COL5A2: variants seen among roughly 807,000 people sequenced by gnomAD.
COL5A2 encodes the protein collagen alpha-2(V) chain.
Under a neutral mutation model 208.2 loss-of-function variants are expected in COL5A2, and 23 were observed. That is an observed-to-expected ratio of 0.11 (90% confidence interval 0.08 to 0.16). COL5A2 has a LOEUF of 0.16. Ranked by LOEUF, COL5A2 falls within the 10% of genes least tolerant of loss-of-function variation. The probability of loss-of-function intolerance (pLI) is 1.00; values close to 1 mark genes in which losing one functional copy is unlikely to be tolerated. For missense variants in COL5A2, 1,590 were observed against 1,956.4 expected (o/e 0.81, Z 3.53); for synonymous variants, 625 against 628.5 (o/e 0.99, Z 0.08).
the COL5A2 span, among the ~76,000 whole-genome samples, chr2:189,347,258 T>G: frequency 2.0e-5 from 3 of 152,168 alleles, no homozygotes; most frequent in Non-Finnish European, 2.9e-5. Flanking sequence ...AAAATTAACA[T>G]TGAAGAAAGT....
At chr2:189,108,662 T>G (rs774307329) in intron 2 of COL5A2, among the ~76,000 whole-genome samples, 1 of 151,936 alleles carries the variant, frequency 6.6e-6, no homozygotes, top group African/African-American at 2.4e-5. Flanking sequence ...TTCATAAAAT[T>G]TTTCTTGTAT....
In COL5A2 at chr2:189,150,130, C is replaced by G. The variant is rs1191067585; in HGVS notation, c.97+29378G>C. ...CCCTCACTCATTACTGGCAAACATT[C>G]CTGAACAATGTGTGTGCCTTCACGA... On this transcript the variant is annotated intron_variant, in intron 1 of 53. Transcript: ENST00000374866. Among the ~76,000 whole-genome samples the G allele has an allele frequency of 2.0e-5, 3 of 152,094 alleles. No homozygotes were observed. The South Asian group carries it at 6.2e-4, about 32-fold the overall frequency.
At chr2:189,103,117 T>A (rs1447775288) in intron 3 of COL5A2, among the ~76,000 whole-genome samples, 1 of 152,086 alleles carries the variant, frequency 6.6e-6, no homozygotes, top group Admixed American at 6.6e-5. Context: ...TCTCTATCTG[T>A]CTATCCATGC....
chr2:189,411,737 A>AT, the COL5A2 span, among the ~76,000 whole-genome samples: 2 of 152,094 alleles, frequency 1.3e-5, no homozygotes, highest in African/African-American at 4.8e-5. Context: ...ATCTTGTTTG[A>AT]TTTTTTTTAA....
At chr2:189,281,950 G>A in the COL5A2 span, among the ~76,000 whole-genome samples, 2 of 152,202 alleles carry the variant, frequency 1.3e-5, no homozygotes, top group Admixed American at 6.5e-5. Flanking sequence ...TCGGGAGGCC[G>A]AGAAGGGTGG....
Position 189,066,501 on chromosome 2 carries a change from T to C in COL5A2, c.1456-4A>G. ...GACCCTGAATACCATGTGGCCCCTG[T>C]TAAAAACAGAAGGACAGTTACCAGA... On this transcript the variant is annotated splice_region_variant and splice_polypyrimidine_tract_variant and intron_variant, in intron 22 of 53. Coordinates refer to ENST00000374866, the MANE Select transcript of COL5A2 (RefSeq NM_000393.5). 1 of 1,613,940 alleles carries C rather than the reference T, an allele frequency of 6.2e-7. No individual in the cohort carries two copies.
In COL5A2 at chr2:189,207,704, C is replaced by G. The variant is rs1467735758; in HGVS notation, c.-42+17444G>C. Among the ~76,000 whole-genome samples, 3 of 152,306 alleles carry G rather than the reference C, an allele frequency of 2.0e-5. No individual in the cohort carries two copies. In the East Asian group the frequency reaches 5.8e-4, roughly 29 times the overall value. On this transcript the variant is annotated intron_variant, in intron 1 of 10. Transcript: ENST00000649966. ...CATTTTCACTACCTCATTCTTCACTCTACTCCACTTAGCAGAGCAATCACT... is the reference window on the plus strand; with the variant it reads ...CATTTTCACTACCTCATTCTTCACTGTACTCCACTTAGCAGAGCAATCACT...
intron 33 of COL5A2, 62 bp downstream of exon 33, chr2:189,058,367 A>G (rs1685946417): frequency 1.6e-6 from 2 of 1,215,730 alleles, no homozygotes; most frequent in African/African-American, 3.0e-5. Context: ...TCACACCATC[A>G]TGCGTTTATT....
At chr2:189,296,801 G>A in the COL5A2 span, among the ~76,000 whole-genome samples, 2,580 of 152,250 alleles carry the variant, frequency 0.017, 74 homozygotes, top group African/African-American at 0.059. Flanking sequence ...ACCTTCAGCT[G>A]TTGTTTTCTT....
chr2:189,111,604 A>C (rs1687263259), intron 1 of COL5A2, among the ~76,000 whole-genome samples: 2 of 152,018 alleles, frequency 1.3e-5, no homozygotes, highest in Non-Finnish European at 1.5e-5. Flanking sequence ...TCCTTTACCC[A>C]ACTGATATTT....
chr2:189,065,160 T>TGTTGGCTTGATGATGGCTC, intron 23 of COL5A2, 103 bp from the exon 24 acceptor site: 1 of 1,060,584 alleles, frequency 9.4e-7, no homozygotes, highest in Non-Finnish European at 1.4e-6. Context: ...TTAGGAGCCA[T>TGTTGGCTTGATGATGGCTC]CATCAAGCCA....
At chr2:189,207,074 T>A (rs1689152015) in intron 1 of COL5A2, among the ~76,000 whole-genome samples, 2 of 152,226 alleles carry the variant, frequency 1.3e-5, no homozygotes, top group African/African-American at 4.8e-5. Flanking sequence ...ATGTTTGCAC[T>A]TAAAAGATTG....
In COL5A2 at chr2:189,041,626, G is replaced by T; in HGVS notation, c.3593C>A (p.Pro1198His). Reference protein sequence around the residue: ...GNPGPLGPIGPPGVRGSVGEA... With the variant: ...GNPGPLGPIGHPGVRGSVGEA... ...TCCTACACTGCCTCGTACACCTGGA[G>T]GTCCAATTGGCCCAAGTGGCCCAGG... The change falls in exon 50 of 54, where the codon CCT becomes CAT. Residue 1198 changes from proline (P) to histidine (H), a missense_variant. By Grantham distance (77) the Pro-to-His change is moderately conservative. Coordinates refer to ENST00000374866, the MANE Select transcript of COL5A2 (RefSeq NM_000393.5). 6.2e-7 allele frequency: 1 copy of T among 1,614,048 alleles called. No homozygotes were observed. Among genetic ancestry groups the T allele is most frequent in the Non-Finnish European group, 8.5e-7 (1 of 1,179,936 alleles).
At chr2:189,161,117 G>T (rs1688355415) in intron 1 of COL5A2, among the ~76,000 whole-genome samples, 1 of 150,824 alleles carries the variant, frequency 6.6e-6, no homozygotes, top group African/African-American at 2.4e-5. Context: ...ACCGCGCCCG[G>T]CTGTACTTTT....
At chr2:189,224,712 T>C (rs926324553) in intron 1 of COL5A2, among the ~76,000 whole-genome samples, 7 of 151,674 alleles carry the variant, frequency 4.6e-5, no homozygotes, top group African/African-American at 1.7e-4. Flanking sequence ...TATTAAAAAA[T>C]AAAAACTAGA....
chr2:189,157,173 C>T (rs900335676), intron 1 of COL5A2, among the ~76,000 whole-genome samples: 13 of 83,638 alleles, frequency 1.6e-4, no homozygotes, highest in African/African-American at 9.8e-4. Flanking sequence ...ATATATATAT[C>T]TATATATATA....
intron 5 of COL5A2, 176 bp from the exon 6 acceptor site, chr2:189,097,506 G>A (rs747965841): frequency 3.5e-5 from 25 of 712,172 alleles, no homozygotes; most frequent in African/African-American, 7.0e-5. Flanking sequence ...GCTTAGAAGC[G>A]TTGTTTATGT....
At position 189,042,843 on chromosome 2, in the gene COL5A2, T is replaced by G. The variant is rs1385381917; in HGVS notation, c.3472-70A>C. ...CTGCATTGTGCCATTCTCAAAAATG[T>G]GCTATCATTGACTTTAGCAGCATGA... On this transcript the variant is annotated intron_variant, in intron 48 of 53. Coordinates refer to ENST00000374866, the MANE Select transcript of COL5A2 (RefSeq NM_000393.5). 2.8e-6 allele frequency: 4 copies of G among 1,427,314 alleles called. No homozygotes were observed. In the African/African-American group the frequency reaches 5.6e-5, roughly 20 times the overall value. 88.4% of individuals were successfully genotyped at this position (1,427,314 alleles called of 1,614,324 possible).
Position 189,169,924 on chromosome 2 carries a change from T to C in COL5A2, c.97+9584A>G, listed in dbSNP as rs565973869. Among the ~76,000 whole-genome samples the C allele has an allele frequency of 2.0e-5, 3 of 152,056 alleles. No homozygotes were observed. The South Asian group carries it at 6.2e-4, about 32-fold the overall frequency. ...CAGAGATGGGTTTTCACCATGTTGGTCAGGCTGTTCTCAAACTCCTGACCT... is the reference window on the plus strand; with the variant it reads ...CAGAGATGGGTTTTCACCATGTTGGCCAGGCTGTTCTCAAACTCCTGACCT... On this transcript the variant is annotated intron_variant, in intron 1 of 53. Coordinates refer to ENST00000374866, the MANE Select transcript of COL5A2 (RefSeq NM_000393.5).
Sources: gnomAD v4.1 joint callset for allele counts (sites outside exome capture counted in the v4.1 genomes callset) on GRCh38, gnomAD v4.1.1 for gene constraint, MANE v1.5 for transcripts, NCBI Gene and HGNC (gene_info 2026-07-23, HGNC 2026-07-21) for gene names.